The following SLC30A8 variants were observed in gnomAD, a reference collection of about 807,000 sequenced individuals.
SLC30A8 encodes the protein proton-coupled zinc antiporter SLC30A8.
Under a neutral mutation model 36.9 loss-of-function variants are expected in SLC30A8, and 27 were observed. The observed-to-expected ratio is 0.73, with a 90% CI of 0.54 to 1.01. The LOEUF (loss-of-function observed/expected upper bound fraction) is 1.01, where lower values mean the gene tolerates loss of function less well. Ranked by LOEUF, SLC30A8 falls within the 50% of genes least tolerant of loss-of-function variation. The probability of loss-of-function intolerance (pLI) is 0.00; values close to 1 mark genes in which losing one functional copy is unlikely to be tolerated. For missense variants in SLC30A8, 439 were observed against 452.0 expected (o/e 0.97, Z 0.26); for synonymous variants, 164 against 172.4 (o/e 0.95, Z 0.38).
At chr8:117,135,825 A>G (rs1821335602) in intron 1 of SLC30A8, among the ~76,000 whole-genome samples, 1 of 151,950 alleles carries the variant, frequency 6.6e-6, no homozygotes, top group Non-Finnish European at 1.5e-5. Flanking sequence ...CATGCTTATA[A>G]AGTATCATTA....
chr8:117,015,548 C>CCA (rs1554623798), intron 1 of SLC30A8, among the ~76,000 whole-genome samples: 63 of 139,034 alleles, frequency 4.5e-4, no homozygotes, highest in African/African-American at 1.6e-3. Flanking sequence ...CCCCCCCCCC[C>CCA]AAAAAAAAGA....
At position 117,172,984 on chromosome 8, in the gene SLC30A8, C is replaced by T. The variant is rs1265259697; in HGVS notation, c.*303C>T. 11 of 304,950 alleles carry T rather than the reference C, an allele frequency of 3.6e-5. No individual in the cohort carries two copies. The highest frequency in any genetic ancestry group is 6.7e-5 in the Non-Finnish European group (11 of 165,316). The allele number at this position is 304,950 out of a possible 1,614,324, so 18.9% of individuals were successfully genotyped here. Reference sequence around the variant, plus strand: ...TATCGGCAATACCAAATTCATCTCCCTTCCAATAATGCATCTTGAGAACAC... The same window carrying T: ...TATCGGCAATACCAAATTCATCTCCTTTCCAATAATGCATCTTGAGAACAC... On this transcript the variant is annotated 3_prime_UTR_variant, in exon 8 of 8. Coordinates refer to ENST00000456015, the MANE Select transcript of SLC30A8 (RefSeq NM_173851.3).
chr8:117,158,810 A>G (rs1041594773), intron 4 of SLC30A8, among the ~76,000 whole-genome samples: 5 of 152,222 alleles, frequency 3.3e-5, no homozygotes, highest in Non-Finnish European at 7.3e-5. Flanking sequence ...CTAGCTAGCT[A>G]TCGTGTTGGT....
intron 1 of SLC30A8, among the ~76,000 whole-genome samples, chr8:116,993,629 G>T (rs1387278045): frequency 1.3e-5 from 2 of 151,910 alleles, no homozygotes; most frequent in African/African-American, 4.8e-5. Flanking sequence ...TGACAATATG[G>T]AGAATAGAAA....
intron 1 of SLC30A8, among the ~76,000 whole-genome samples, chr8:116,964,558 C>T (rs1039707976): frequency 2.6e-5 from 4 of 152,216 alleles, no homozygotes; most frequent in East Asian, 1.9e-4. Flanking sequence ...AGTGTTTATG[C>T]AGCACCTGCA....
At chr8:116,968,911 G>A (rs765278497) in intron 1 of SLC30A8, among the ~76,000 whole-genome samples, 40 of 151,722 alleles carry the variant, frequency 2.6e-4, no homozygotes, top group Non-Finnish European at 4.9e-4. Context: ...TAATTTTTGT[G>A]TTTTTAGTGG....
At chr8:117,085,935 C>G (rs1818861100) in intron 2 of SLC30A8, among the ~76,000 whole-genome samples, 1 of 152,028 alleles carries the variant, frequency 6.6e-6, no homozygotes, top group Non-Finnish European at 1.5e-5. Flanking sequence ...CAAAATAATT[C>G]CAAGAGAGTT....
intron 2 of SLC30A8, among the ~76,000 whole-genome samples, chr8:117,066,296 TCTCA>T (rs1260647917): frequency 6.6e-6 from 1 of 152,184 alleles, no homozygotes; most frequent in East Asian, 1.9e-4. Flanking sequence ...CCAAGGAGGC[TCTCA>T]CTCTACCTAT....
At chr8:116,984,785 T>C (rs1333806823) in intron 1 of SLC30A8, among the ~76,000 whole-genome samples, 1 of 152,148 alleles carries the variant, frequency 6.6e-6, no homozygotes, top group Non-Finnish European at 1.5e-5. Flanking sequence ...TTTGCAAATA[T>C]TTTCTCCATG....
intron 2 of SLC30A8, among the ~76,000 whole-genome samples, chr8:117,094,016 C>G (rs980731811): frequency 6.6e-6 from 1 of 152,216 alleles, no homozygotes; most frequent in Non-Finnish European, 1.5e-5. Flanking sequence ...CAAGCAGCTT[C>G]CATGGCTGGC....
intron 2 of SLC30A8, among the ~76,000 whole-genome samples, chr8:117,103,309 C>T (rs976386924): frequency 6.6e-5 from 10 of 151,984 alleles, no homozygotes; most frequent in African/African-American, 2.4e-4. Context: ...GCAAGACAAG[C>T]AGAATTTCAA....
chr8:117,024,035 A>G (rs1816795181), intron 1 of SLC30A8, among the ~76,000 whole-genome samples: 2 of 152,134 alleles, frequency 1.3e-5, no homozygotes, highest in African/African-American at 2.4e-5. Context: ...AAGCACAACC[A>G]TGATTAAACT....
At chr8:117,006,156 A>T (rs1220228417) in intron 1 of SLC30A8, among the ~76,000 whole-genome samples, 1 of 152,238 alleles carries the variant, frequency 6.6e-6, no homozygotes, top group African/African-American at 2.4e-5. Context: ...CAGGAACTCT[A>T]AGCGAATAGG....
intron 1 of SLC30A8, among the ~76,000 whole-genome samples, chr8:117,144,677 A>G (rs1821817180): frequency 6.6e-6 from 1 of 152,168 alleles, no homozygotes. Context: ...AATGGAGAAA[A>G]TATTAACAAT....
intron 2 of SLC30A8, among the ~76,000 whole-genome samples, chr8:117,084,129 G>A (rs1818777396): frequency 6.6e-6 from 1 of 152,152 alleles, no homozygotes; most frequent in Non-Finnish European, 1.5e-5. Flanking sequence ...TGAGGCCAAT[G>A]AAGTACAACA....
rs1823703496 is a variant in SLC30A8, at chr8:117,176,572, A to T, written c.*3891A>T. On this transcript the variant is annotated 3_prime_UTR_variant, in exon 8 of 8. Transcript: ENST00000456015. ...CCAGCGCAGGCGGATGTTAAAAAAA[A>T]TAAAAAGGTGACCATCTGCGGTTTA... is the stretch of plus-strand genomic sequence containing the variant. 6.6e-6 allele frequency: 1 copy of T among 152,524 alleles called. No homozygotes were observed. The highest frequency in any genetic ancestry group is 2.1e-4 in the South Asian group (1 of 4,828). 9.4% of individuals were successfully genotyped at this position (152,524 alleles called of 1,614,324 possible).
intron 3 of SLC30A8, among the ~76,000 whole-genome samples, chr8:117,154,013 A>T (rs1822338571): frequency 6.6e-6 from 1 of 152,108 alleles, no homozygotes; most frequent in Non-Finnish European, 1.5e-5. Flanking sequence ...AAATAACTTA[A>T]CCAAGTAGCA....
At position 117,166,527 on chromosome 8, in the gene SLC30A8, A is replaced by G. The variant is rs12542770; in HGVS notation, c.829+2997A>G. ...ACAGATATCTGAGCCCACTCCCACA[A>G]TTCTTGAGTCAGTATATCTTATTGG... On this transcript the variant is annotated intron_variant, in intron 6 of 7. Coordinates refer to ENST00000456015, the MANE Select transcript of SLC30A8 (RefSeq NM_173851.3). Among the ~76,000 whole-genome samples, 968 of 152,254 alleles carry G rather than the reference A, an allele frequency of 6.4e-3. 24 individuals carry two copies. The highest frequency in any genetic ancestry group is 0.059 in the East Asian group (306 of 5,164).
chr8:117,121,410 A>G (rs1232818602), intron 2 of SLC30A8, among the ~76,000 whole-genome samples: 1 of 151,926 alleles, frequency 6.6e-6, no homozygotes, highest in Non-Finnish European at 1.5e-5. Flanking sequence ...TATTTCTCAC[A>G]GTTCTAGAGG....
Sources: allele counts gnomAD v4.1 joint callset (sites outside exome capture counted in the v4.1 genomes callset), GRCh38; gene constraint gnomAD v4.1.1; transcripts MANE v1.5; gene names NCBI Gene and HGNC (gene_info 2026-07-23, HGNC 2026-07-21).